Variants in ORC5 observed in about 807,000 individuals in gnomAD.
The protein encoded by ORC5 is origin recognition complex subunit 5.
Under a neutral mutation model 58.8 loss-of-function variants are expected in ORC5, and 39 were observed. The ratio of observed to expected loss-of-function variants is 0.66; its 90% CI spans 0.51 to 0.87. The LOEUF (loss-of-function observed/expected upper bound fraction) is 0.87, where lower values mean the gene tolerates loss of function less well. Ranked by LOEUF, ORC5 falls within the 40% of genes least tolerant of loss-of-function variation. The pLI is 0.00. For missense variants in ORC5, 493 were observed against 506.3 expected, an observed-to-expected ratio of 0.97 and a Z score of 0.25; for synonymous variants, 218 against 177.6, an observed-to-expected ratio of 1.23 and a Z score of -1.81.
chr7:104,164,380 C>T (rs1045337004), intron 11 of ORC5, among the ~76,000 whole-genome samples: 7 of 152,256 alleles, frequency 4.6e-5, no homozygotes, highest in South Asian at 2.1e-4. Context: ...GCCATGATCA[C>T]GCCATTGCAC....
chr7:104,175,581 T>C (rs1799305488), intron 8 of ORC5, among the ~76,000 whole-genome samples: 1 of 152,150 alleles, frequency 6.6e-6, no homozygotes, highest in Non-Finnish European at 1.5e-5. Flanking sequence ...AATTTAAGAG[T>C]TGGATGTTCT....
chr7:104,193,579 T>C (rs1032350983), intron 5 of ORC5, among the ~76,000 whole-genome samples: 5 of 152,116 alleles, frequency 3.3e-5, no homozygotes, highest in African/African-American at 1.2e-4. Context: ...GAAAAGGACA[T>C]GTTTCAAGTT....
intron 8 of ORC5, among the ~76,000 whole-genome samples, chr7:104,174,961 G>A (rs1799293071): frequency 6.6e-6 from 1 of 152,218 alleles, no homozygotes; most frequent in African/African-American, 2.4e-5. Flanking sequence ...GAACCCAGAA[G>A]TAAGCCAACA....
Position 104,136,382 on chromosome 7 carries a change from A to T in ORC5, c.1262+399T>A, listed in dbSNP as rs910281797. ...GATTATGTCCCCTGACCTAGACACT[A>T]TATTTCTATCAGTGTTACCTAAGTC... On this transcript the variant is annotated intron_variant, in intron 13 of 13. Transcript: ENST00000297431. This position sits in a 1 kb window ranked among gnomAD's most constrained non-coding sequence, Gnocchi z 4.2. 6.6e-6 allele frequency among the ~76,000 whole-genome samples: 1 copy of T among 152,080 alleles called. No individual in the cohort carries two copies. Among genetic ancestry groups the T allele is most frequent in the African/African-American group, 2.4e-5 (1 of 41,390 alleles).
chr7:104,204,662 T>C lies in ORC5; in HGVS notation c.73-428A>G, dbSNP rs576998269. Among the ~76,000 whole-genome samples the C allele has an allele frequency of 4.6e-5, 7 of 152,308 alleles. No individual in the cohort carries two copies. The East Asian group carries it at 1.4e-3, about 29-fold the overall frequency. On this transcript the variant is annotated intron_variant, in intron 1 of 13. Transcript: ENST00000297431. ...TTTTAATGCTATGAAATAAAGTACA[T>C]ATAATCAAAAGATTAAAAGGAATTT...
chr7:104,205,626 A>T (rs1323397815), intron 1 of ORC5, among the ~76,000 whole-genome samples: 1 of 152,204 alleles, frequency 6.6e-6, no homozygotes, highest in Non-Finnish European at 1.5e-5. Context: ...TCAACTGCTA[A>T]AAATAGACTA....
At chr7:104,171,901 T>G (rs1396871839) in intron 8 of ORC5, among the ~76,000 whole-genome samples, 1 of 152,150 alleles carries the variant, frequency 6.6e-6, no homozygotes, top group African/African-American at 2.4e-5. Context: ...GATTCTCCAG[T>G]AGCCAGTGCT....
intron 6 of ORC5, among the ~76,000 whole-genome samples, chr7:104,186,881 T>G (rs7778396): frequency 6.6e-6 from 1 of 151,922 alleles, no homozygotes; most frequent in African/African-American, 2.4e-5. Context: ...TATTATTTTT[T>G]AAAAAGCTGT....
chr7:104,197,912 G>GT lies in ORC5; in HGVS notation c.367-114dup, dbSNP rs1409382909. On this transcript the variant is annotated intron_variant, in intron 3 of 13. Transcript: ENST00000297431. ...CATGTGTTGGAACTTAATCCCCAGT[G>GT]TGGCAGTATTGGGAAGAGAAGCTGC... 9 of 604,352 alleles carry GT rather than the reference G, an allele frequency of 1.5e-5. No homozygotes were observed. The African/African-American group carries it at 1.7e-4, about 12-fold the overall frequency. The allele number at this position is 604,352 out of a possible 1,614,324, so 37.4% of individuals were successfully genotyped here. A position where few individuals can be genotyped will look rare whatever the true frequency, so the allele number is the denominator to read the frequency against.
Position 104,200,213 on chromosome 7 carries a change from G to A in ORC5, c.366+545C>T, listed in dbSNP as rs188945010. On this transcript the variant is annotated intron_variant, in intron 3 of 13. Transcript: ENST00000297431. ...AACCAGGCATATTTGTTGCTCTAAA[G>A]TCTTTACTATCTCCTATCCACTCCC... is the stretch of plus-strand genomic sequence containing the variant. Among the ~76,000 whole-genome samples, 207 of 152,282 alleles carry A rather than the reference G, an allele frequency of 1.4e-3. 4 individuals carry two copies. The highest frequency in any genetic ancestry group is 7.0e-3 in the Admixed American group (107 of 15,296).
In ORC5 at chr7:104,126,938, T is replaced by C. The variant is rs780374882; in HGVS notation, c.1263-45A>G. ...ATATGTTAGCATTCTCACCCCTAGA[T>C]TGCTCAGCTTTGTATGATTCTGGAA... On this transcript the variant is annotated intron_variant, in intron 13 of 13. Transcript: ENST00000297431. 15 of 1,349,802 alleles carry C rather than the reference T, an allele frequency of 1.1e-5. No homozygotes were observed. In the East Asian group the frequency reaches 1.6e-4, roughly 15 times the overall value. The allele number at this position is 1,349,802 out of a possible 1,614,324, so 83.6% of individuals were successfully genotyped here.
chr7:104,152,344 A>G (rs1037283838), intron 12 of ORC5, among the ~76,000 whole-genome samples: 6 of 152,030 alleles, frequency 3.9e-5, no homozygotes, highest in African/African-American at 1.4e-4. Context: ...GGGTCTCACT[A>G]TGTTGCCCAG....
rs766011350 is a variant in ORC5, at chr7:104,200,916, T to A, written c.208A>T (p.Arg70Trp). Residue 70 changes from arginine to tryptophan, a missense_variant, in exon 3 of 14, where the codon AGG becomes TGG. By Grantham distance (101) the Arg-to-Trp change is moderately radical (BLOSUM62 -3). Around this residue, in one of 3 missense-constraint regions of ORC5, gnomAD observed 412 missense variants for 403.7 expected, o/e 1.02. Transcript: ENST00000297431. ...FVNCVECFTL[R>W]LLLEQILNKL... ...TTTAAAATTTGTTCCAAAAGCAGCC[T>A]CAATGTAAAGCATTCAACACAATTC... 6.2e-7 allele frequency: 1 copy of A among 1,613,686 alleles called. No homozygotes were observed.
At chr7:104,196,081 T>C (rs1298092884) in intron 4 of ORC5, among the ~76,000 whole-genome samples, 4 of 152,338 alleles carry the variant, frequency 2.6e-5, no homozygotes, top group Admixed American at 2.0e-4. Context: ...TCTTTTCCAG[T>C]TCAGCTGAGA....
At chr7:104,153,413 T>C (rs1584488728) in intron 12 of ORC5, among the ~76,000 whole-genome samples, 1 of 152,170 alleles carries the variant, frequency 6.6e-6, no homozygotes, top group South Asian at 2.1e-4. Context: ...ATAGCATCCC[T>C]GCTGACCTCT....
chr7:104,194,759 A>G (rs1196189566), intron 5 of ORC5, among the ~76,000 whole-genome samples: 1 of 152,162 alleles, frequency 6.6e-6, no homozygotes, highest in African/African-American at 2.4e-5. Flanking sequence ...ATAAATATAC[A>G]TCTTAATGTA....
intron 8 of ORC5, among the ~76,000 whole-genome samples, chr7:104,170,469 A>G (rs911105047): frequency 2.0e-5 from 3 of 152,204 alleles, no homozygotes; most frequent in African/African-American, 7.2e-5. Flanking sequence ...AGAAAATGCT[A>G]CACTGCTAGC....
chr7:104,202,033 T>A (rs1007238771), intron 2 of ORC5, among the ~76,000 whole-genome samples: 6 of 152,132 alleles, frequency 3.9e-5, no homozygotes, highest in African/African-American at 1.2e-4. Context: ...ATGGCTGCAA[T>A]GAGCTATGAT....
Position 104,155,059 on chromosome 7 carries a change from C to T in ORC5, c.1149+6013G>A, listed in dbSNP as rs140382143. On this transcript the variant is annotated intron_variant, in intron 12 of 13. Coordinates refer to ENST00000297431, the MANE Select transcript of ORC5 (RefSeq NM_002553.4). ...GAAAAACAATTGGTTTGGATATATC[C>T]TACATATCTTATAAAACAACACCTA... is the stretch of plus-strand genomic sequence containing the variant. Among the ~76,000 whole-genome samples the T allele has an allele frequency of 7.3e-3, 1,102 of 151,776 alleles. 16 individuals carry two copies. Among genetic ancestry groups the T allele is most frequent in the African/African-American group, 0.025 (1,044 of 41,470 alleles).
Sources: gnomAD v4.1 joint callset for allele counts (sites outside exome capture counted in the v4.1 genomes callset) on GRCh38, gnomAD v4.1.1 for gene constraint, gnomAD v4.1.1 regional missense constraint, Gnocchi (gnomAD v3.1) non-coding constraint, MANE v1.5 for transcripts, NCBI Gene and HGNC (gene_info 2026-07-23, HGNC 2026-07-21) for gene names.